The following MARF1 variants were observed in gnomAD, a reference collection of about 807,000 sequenced individuals.
MARF1 encodes limkain-b1.
In MARF1, 24 loss-of-function variants were observed where a neutral mutation model predicts 168.2. The ratio of observed to expected loss-of-function variants is 0.14; its 90% CI spans 0.10 to 0.20. The LOEUF (loss-of-function observed/expected upper bound fraction) is 0.20, where lower values mean the gene tolerates loss of function less well. Among genes scored for constraint, MARF1 ranks in the 10% least tolerant of loss-of-function variants. The pLI, the probability that MARF1 is intolerant of heterozygous loss-of-function variation, is 1.00. For synonymous variants in MARF1, 868 were observed against 822.4 expected, an observed-to-expected ratio of 1.06 and a Z score of -0.95; for missense variants, 1,744 against 2,143.6, an observed-to-expected ratio of 0.81 and a Z score of 3.68.
At position 15,620,534 on chromosome 16, in the gene MARF1, G is replaced by A. The variant is rs1454624088; in HGVS notation, c.2640-3C>T. On this transcript the variant is annotated splice_region_variant and splice_polypyrimidine_tract_variant and intron_variant, in intron 12 of 26. Coordinates refer to ENST00000396368, the MANE Select transcript of MARF1 (RefSeq NM_014647.4). ...GAAGAACAGACATTGTTTCTGCACT[G>A]TAAAACAGAAGTTTGATTAGGGAAC... The A allele has an allele frequency of 1.2e-6, 2 of 1,604,104 alleles. No individual in the cohort carries two copies. Among genetic ancestry groups the A allele is most frequent in the East Asian group, 4.5e-5 (2 of 44,776 alleles).
In MARF1 at chr16:15,611,597, A is replaced by G. The variant is rs1203152706; in HGVS notation, c.3612T>C (p.Tyr1204=). 1 of 1,613,954 alleles carries G rather than the reference A, an allele frequency of 6.2e-7. No individual in the cohort carries two copies. Among genetic ancestry groups the G allele is most frequent in the Non-Finnish European group, 8.5e-7 (1 of 1,179,930 alleles). The part of the protein sequence containing the change: ...QVIVREFSQA[Y]HWCFSKDWDV... ...TGTTCTTTTCATCAACTCACCAGTGATAAGCCTGTGAGAATTCTCTCACAA... is the reference window on the plus strand; with the variant it reads ...TGTTCTTTTCATCAACTCACCAGTGGTAAGCCTGTGAGAATTCTCTCACAA... Residue 1204 remains tyrosine (Y), a synonymous_variant, in exon 18 of 27, where the codon TAT becomes TAC. Coordinates refer to ENST00000396368, the MANE Select transcript of MARF1 (RefSeq NM_014647.4).
At chr16:15,611,539 G>A (rs767038369) in intron 18 of MARF1, 53 bp downstream of exon 18, 15 of 1,532,190 alleles carry the variant, frequency 9.8e-6, no homozygotes, top group Non-Finnish European at 1.3e-5. Context: ...TTTGGCAGAA[G>A]ATAAAATGTC....
chr16:15,609,869 T>C (rs2033364113), intron 19 of MARF1, 144 bp from the exon 20 acceptor site: 1 of 676,050 alleles, frequency 1.5e-6, no homozygotes, highest in South Asian at 1.9e-5. Flanking sequence ...AACAAACACA[T>C]ATACTCTTCC....
intron 1 of MARF1, among the ~76,000 whole-genome samples, chr16:15,639,918 G>C (rs2035840590): frequency 1.3e-5 from 2 of 152,136 alleles, no homozygotes; most frequent in African/African-American, 4.8e-5. Flanking sequence ...CTCTCCATGA[G>C]TCTTGTTTCC....
At chr16:15,602,775 C>CG (rs999407497) in intron 22 of MARF1, 26 of 380,960 alleles carry the variant, frequency 6.8e-5, no homozygotes, top group Non-Finnish European at 1.3e-4. Flanking sequence ...GGGAAGAAAT[C>CG]GGGGGAGGCA....
At chr16:15,603,118 A>G (rs1429051332) in intron 22 of MARF1, among the ~76,000 whole-genome samples, 2 of 152,224 alleles carry the variant, frequency 1.3e-5, no homozygotes, top group South Asian at 4.1e-4. Context: ...AGATATTAAC[A>G]GAGTTTAGAA....
rs747226327 is a variant in MARF1, at chr16:15,636,288, G to A, written c.199C>T (p.Pro67Ser). The change falls in exon 3 of 27, where the codon CCC becomes TCC. Residue 67 changes from proline to serine, a missense_variant. Pro to Ser is a moderately conservative substitution (Grantham distance 74). Coordinates refer to ENST00000396368, the MANE Select transcript of MARF1 (RefSeq NM_014647.4). Reference sequence around the variant, plus strand: ...AAAAGCTTAGAGCCAGCATGAAGGGGTGATGGTACATCCTTTAGTTCCACA... The same window carrying A: ...AAAAGCTTAGAGCCAGCATGAAGGGATGATGGTACATCCTTTAGTTCCACA... The part of the protein sequence containing the change: ...VAVELKDVPS[P>S]LHAGSKLFPA... 1.9e-6 allele frequency: 3 copies of A among 1,608,082 alleles called. No individual in the cohort carries two copies. Among genetic ancestry groups the A allele is most frequent in the Non-Finnish European group, 2.5e-6 (3 of 1,176,488 alleles).
intron 26 of MARF1, among the ~76,000 whole-genome samples, chr16:15,598,401 G>C (rs772145002): frequency 2.6e-5 from 4 of 152,156 alleles, no homozygotes; most frequent in African/African-American, 9.7e-5. Context: ...CTTCCTGTCT[G>C]TTATATCACT....
intron 12 of MARF1, 151 bp downstream of exon 12, chr16:15,621,582 G>A (rs942953522): frequency 3.8e-6 from 3 of 790,930 alleles, no homozygotes; most frequent in African/African-American, 3.5e-5. Context: ...CAAATGGCTT[G>A]TTTCTAACTG....
Position 15,601,996 on chromosome 16 carries a change from G to C in MARF1, c.4621C>G (p.Pro1541Ala). Residue 1541 changes from proline (P) to alanine (A), a missense_variant, in exon 23 of 27, where the codon CCA becomes GCA. Around this residue, in one of 7 missense-constraint regions of MARF1, gnomAD observed 313 missense variants for 337.4 expected, o/e 0.93. Coordinates refer to ENST00000396368, the MANE Select transcript of MARF1 (RefSeq NM_014647.4). ...AAGCTGAGAAAAATGCCCACCTGTG[G>C]AATTGCTCCCAAGAGCTCCTCCACG... ...SSVEELLGAI[P>A]QVVWIKGHGH... is the part of the protein sequence containing the mutation. The C allele has an allele frequency of 6.2e-7, 1 of 1,613,860 alleles. No individual in the cohort carries two copies. The highest frequency in any genetic ancestry group is 8.5e-7 in the Non-Finnish European group (1 of 1,179,766).
chr16:15,627,427 T>A (rs553437570), intron 7 of MARF1, among the ~76,000 whole-genome samples: 44 of 152,172 alleles, frequency 2.9e-4, no homozygotes, highest in Admixed American at 1.2e-3. Context: ...GAGGCAAGCC[T>A]GGCCAACACA....
rs1020006331 is a variant in MARF1, at chr16:15,610,913, C to T, written c.3751+62G>A. ...GGAGGGAAAACCACATCTTCCATGC[C>T]ACACTATGTTAAAATAACAGGAGAT... On this transcript the variant is annotated intron_variant, in intron 19 of 26. Transcript: ENST00000396368. The T allele has an allele frequency of 2.6e-6, 4 of 1,525,316 alleles. No homozygotes were observed. The African/African-American group carries it at 5.5e-5, about 21-fold the overall frequency. The allele number at this position is 1,525,316 out of a possible 1,614,324, so 94.5% of individuals were successfully genotyped here.
At chr16:15,627,615 T>A (rs148433445) in intron 7 of MARF1, among the ~76,000 whole-genome samples, 1,858 of 151,918 alleles carry the variant, frequency 0.012, 15 homozygotes, top group Admixed American at 0.019. Flanking sequence ...CTCAAAAAAA[T>A]TTTTTTTAAA....
chr16:15,602,146 C>A lies in MARF1; in HGVS notation c.4471G>T (p.Ala1491Ser). The change falls in exon 23 of 27, where the codon GCA becomes TCA. Residue 1491 changes from alanine (A) to serine (S), a missense_variant. Transcript: ENST00000396368. Reference sequence around the variant, plus strand: ...TGAAGTAAAGACCGCACATTCTTTGCAAACAAATACAGACTTGTGAGCTTC... The same window carrying A: ...TGAAGTAAAGACCGCACATTCTTTGAAAACAAATACAGACTTGTGAGCTTC... ...CVKLTSLYLF[A>S]KNVRSLLHTY... 1.9e-6 allele frequency: 3 copies of A among 1,614,182 alleles called. No homozygotes were observed. The highest frequency in any genetic ancestry group is 2.5e-6 in the Non-Finnish European group (3 of 1,180,012).
intron 4 of MARF1, among the ~76,000 whole-genome samples, 186 bp downstream of exon 4, chr16:15,634,571 T>A (rs972100954): frequency 6.6e-6 from 1 of 152,038 alleles, no homozygotes; most frequent in Non-Finnish European, 1.5e-5. Flanking sequence ...CGGCCCAACA[T>A]AAAGGGCAAA....
intron 26 of MARF1, among the ~76,000 whole-genome samples, chr16:15,598,576 G>A (rs1340916319): frequency 6.6e-6 from 1 of 152,058 alleles, no homozygotes; most frequent in African/African-American, 2.4e-5. Context: ...AAGCCCAGGA[G>A]GCCCCACCCA....
At chr16:15,611,446 C>CAAAA (rs995305393) in intron 18 of MARF1, 146 bp downstream of exon 18, 449 of 421,748 alleles carry the variant, frequency 1.1e-3, no homozygotes, top group South Asian at 2.4e-3. Context: ...GACTCCGTCT[C>CAAAA]AAAAAAAAAA....
At chr16:15,615,778 T>C in intron 16 of MARF1, 52 bp downstream of exon 16, 1 of 1,341,814 alleles carries the variant, frequency 7.5e-7, no homozygotes, top group African/African-American at 1.5e-5. Context: ...TAGCCTCCTC[T>C]GGTCTCATAG....
chr16:15,607,409 C>T (rs1018852546), intron 21 of MARF1, among the ~76,000 whole-genome samples: 2 of 151,950 alleles, frequency 1.3e-5, no homozygotes, highest in Non-Finnish European at 2.9e-5. Context: ...ACTAGCTGGG[C>T]GTAGTGGCGG....
Sources: allele counts gnomAD v4.1 joint callset (sites outside exome capture counted in the v4.1 genomes callset), GRCh38; gene constraint gnomAD v4.1.1; regional missense constraint gnomAD v4.1.1; transcripts MANE v1.5; gene names NCBI Gene and HGNC (gene_info 2026-07-23, HGNC 2026-07-21).